The following SLC25A30 variants were observed in gnomAD, a reference collection of about 807,000 sequenced individuals.
SLC25A30 encodes the protein solute carrier family 25 member 30, also known as kidney mitochondrial carrier protein 1.
A neutral mutation model predicts 42.7 loss-of-function variants in SLC25A30; 29 were observed. The ratio of observed to expected loss-of-function variants is 0.68; its 90% confidence interval spans 0.51 to 0.93. The LOEUF is 0.93. Ranked by LOEUF, SLC25A30 falls within the 40% of genes least tolerant of loss-of-function variation. SLC25A30 has a pLI of 0.00. For synonymous variants in SLC25A30, 124 were observed against 131.0 expected, an observed-to-expected ratio of 0.95 and a Z score of 0.37; for missense variants, 300 against 359.7, an observed-to-expected ratio of 0.83 and a Z score of 1.34.
chr13:45,424,472 T>C, the SLC25A30 span, among the ~76,000 whole-genome samples: 1 of 64,052 alleles, frequency 1.6e-5, no homozygotes, highest in African/African-American at 6.1e-5. Flanking sequence ...TAAAAATATA[T>C]AAATATATGT....
the SLC25A30 span, among the ~76,000 whole-genome samples, chr13:45,423,719 T>A: frequency 7.9e-5 from 4 of 50,544 alleles, no homozygotes; most frequent in African/African-American, 3.1e-4. Context: ...TAAACATATA[T>A]AAATATATAT....
rs1881231061 is a variant in SLC25A30 at position 45,395,389 on chromosome 13, ATTATAAG to A, written c.*578_*584del. The A allele has an allele frequency of 1.0e-6, 1 of 986,426 alleles. No individual in the cohort carries two copies. Among genetic ancestry groups the A allele is most frequent in the Non-Finnish European group, 1.2e-6 (1 of 830,650 alleles). 61.1% of individuals were successfully genotyped at this position (986,426 alleles called of 1,614,324 possible). Reference sequence around the variant, plus strand: ...AAGTCTTCAAAGCTTAAAATCACTTATTATAAGTGGAAGATCCTGCCAAAATAGGAAA... The same window carrying A: ...AAGTCTTCAAAGCTTAAAATCACTTATGGAAGATCCTGCCAAAATAGGAAA... On this transcript the variant is annotated 3_prime_UTR_variant, in exon 10 of 10. Coordinates refer to ENST00000519676, the MANE Select transcript of SLC25A30 (RefSeq NM_001010875.4).
At chr13:45,419,404 C>T (rs965383422), upstream of SLC25A30, among the ~76,000 whole-genome samples, 2 of 150,780 alleles carry the variant, frequency 1.3e-5, no homozygotes, top group Non-Finnish European at 3.0e-5. Context: ...CTGCAACCTC[C>T]GCCTCCCAGG....
At chr13:45,413,840 A>G (rs1340446702) in intron 1 of SLC25A30, among the ~76,000 whole-genome samples, 1 of 152,196 alleles carries the variant, frequency 6.6e-6, no homozygotes, top group Non-Finnish European at 1.5e-5. Context: ...GGCCTGAGCC[A>G]CCGTGCCTGG....
At chr13:45,422,534 G>A (rs1883913111), upstream of SLC25A30, among the ~76,000 whole-genome samples, 1 of 152,044 alleles carries the variant, frequency 6.6e-6, no homozygotes, top group Admixed American at 6.6e-5. Flanking sequence ...ATCAGATTTT[G>A]CCCTCCAGGA....
Position 45,395,086 on chromosome 13 carries a change from G to A in SLC25A30, c.*888C>T, listed in dbSNP as rs1172038474. The A allele has an allele frequency of 1.0e-6, 1 of 985,338 alleles. No individual in the cohort carries two copies. The highest frequency in any genetic ancestry group is 1.7e-5 in the African/African-American group (1 of 57,238). 61.0% of individuals were successfully genotyped at this position (985,338 alleles called of 1,614,324 possible). On this transcript the variant is annotated 3_prime_UTR_variant, in exon 10 of 10. Transcript: ENST00000519676. ...GTTTAGAGCTGTTCCACAGCATGAT[G>A]TAAACACATTTACCTTTCCAGTCAA...
At chr13:45,430,579 G>T in the SLC25A30 span, among the ~76,000 whole-genome samples, 2 of 152,112 alleles carry the variant, frequency 1.3e-5, no homozygotes, top group African/African-American at 4.8e-5. Context: ...GCCGAGGCAG[G>T]TGGATCACTT....
the SLC25A30 span, among the ~76,000 whole-genome samples, chr13:45,432,410 A>C: frequency 2.0e-5 from 3 of 152,194 alleles, no homozygotes; most frequent in African/African-American, 7.2e-5. Flanking sequence ...AATAATTTAC[A>C]GAGTGCCCTG....
chr13:45,426,992 C>T, the SLC25A30 span, among the ~76,000 whole-genome samples: 3 of 151,976 alleles, frequency 2.0e-5, no homozygotes, highest in Non-Finnish European at 4.4e-5. Context: ...AACTCTAAAC[C>T]TTCCAGAGTT....
chr13:45,425,063 TATATATAC>T, the SLC25A30 span, among the ~76,000 whole-genome samples: 2 of 77,774 alleles, frequency 2.6e-5, no homozygotes, highest in African/African-American at 5.6e-5. Context: ...AATATATAAG[TATATATAC>T]ATATATATAA....
intron 8 of SLC25A30, chr13:45,397,901 G>T (rs1044235917): frequency 5.3e-5 from 52 of 985,420 alleles, no homozygotes; most frequent in Non-Finnish European, 5.5e-5. Flanking sequence ...GAAAAAATTA[G>T]ATTTAATTCC....
chr13:45,433,274 T>G, the SLC25A30 span, among the ~76,000 whole-genome samples: 2 of 152,220 alleles, frequency 1.3e-5, no homozygotes, highest in East Asian at 3.9e-4. Context: ...GAACTGTAAG[T>G]GATCTGGGGC....
At chr13:45,425,623 T>C in the SLC25A30 span, among the ~76,000 whole-genome samples, 3 of 102,722 alleles carry the variant, frequency 2.9e-5, no homozygotes, top group Non-Finnish European at 6.2e-5. Context: ...TATAAATATA[T>C]ATATAAGTAT....
chr13:45,428,276 T>G, the SLC25A30 span, among the ~76,000 whole-genome samples: 3 of 151,978 alleles, frequency 2.0e-5, no homozygotes, highest in East Asian at 5.8e-4. Flanking sequence ...TGGTGCAATC[T>G]CGGCTCACTG....
chr13:45,424,677 TTA>T, the SLC25A30 span, among the ~76,000 whole-genome samples: 13 of 44,076 alleles, frequency 2.9e-4, 3 homozygotes, highest in Admixed American at 1.7e-3. Context: ...ATATATATAG[TTA>T]TATATAGATA....
chr13:45,398,169 A>G, intron 8 of SLC25A30: 1 of 386,744 alleles, frequency 2.6e-6, no homozygotes, highest in Non-Finnish European at 3.5e-6. Context: ...ACATGGATGG[A>G]GCTGGAGGCC....
the SLC25A30 span, among the ~76,000 whole-genome samples, chr13:45,424,794 AT>A: frequency 1.5e-5 from 1 of 64,872 alleles, no homozygotes; most frequent in Non-Finnish European, 2.8e-5. Flanking sequence ...ATATAAAAGA[AT>A]ATAAATATAT....
At chr13:45,424,149 GTA>G in the SLC25A30 span, among the ~76,000 whole-genome samples, 163 of 19,598 alleles carry the variant, frequency 8.3e-3, 4 homozygotes, top group Non-Finnish European at 0.012. Context: ...ATAAATATAA[GTA>G]TATATATAGA....
At position 45,395,522 on chromosome 13, in the gene SLC25A30, A is replaced by C. The variant is rs1881238602; in HGVS notation, c.*452T>G. On this transcript the variant is annotated 3_prime_UTR_variant, in exon 10 of 10. Coordinates refer to ENST00000519676, the MANE Select transcript of SLC25A30 (RefSeq NM_001010875.4). ...ATACATGAAATTTCTTCAGTTGACAAGGAGCAAAATCTCCCAGAAATTCAG... is the reference window on the plus strand; with the variant it reads ...ATACATGAAATTTCTTCAGTTGACACGGAGCAAAATCTCCCAGAAATTCAG... The C allele has an allele frequency of 9.5e-7, 1 of 1,050,056 alleles. No homozygotes were observed. The highest frequency in any genetic ancestry group is 7.6e-5 in the East Asian group (1 of 13,154). The allele number at this position is 1,050,056 out of a possible 1,614,324, so 65.0% of individuals were successfully genotyped here. A position where few individuals can be genotyped will look rare whatever the true frequency, so the allele number is the denominator to read the frequency against.
Sources: gnomAD v4.1 joint callset for allele counts (sites outside exome capture counted in the v4.1 genomes callset) on GRCh38, gnomAD v4.1.1 for gene constraint, MANE v1.5 for transcripts, NCBI Gene and HGNC (gene_info 2026-07-23, HGNC 2026-07-21) for gene names.